TRAPPC8: variants seen among roughly 807,000 people sequenced by gnomAD.
TRAPPC8 encodes trafficking protein particle complex subunit 8, also known as general sporulation gene 1 homolog.
A neutral mutation model predicts 174.3 loss-of-function variants in TRAPPC8; 54 were observed. The ratio of observed to expected loss-of-function variants is 0.31; its 90% CI spans 0.25 to 0.39. The LOEUF (loss-of-function observed/expected upper bound fraction) is 0.39, where lower values mean the gene tolerates loss of function less well. TRAPPC8 is among the 10% of genes least tolerant of loss of function. TRAPPC8 has a pLI of 1.00. For missense variants in TRAPPC8, 1,531 were observed against 1,699.1 expected, an observed-to-expected ratio of 0.90 and a Z score of 1.74; for synonymous variants, 630 against 579.9, an observed-to-expected ratio of 1.09 and a Z score of -1.24.
intron 19 of TRAPPC8, 89 bp downstream of exon 19, chr18:31,864,538 T>G (rs916648044): frequency 1.5e-6 from 2 of 1,291,016 alleles, no homozygotes; most frequent in Non-Finnish European, 1.1e-6. Flanking sequence ...CAATGTAATA[T>G]CAAAAACCTC....
chr18:31,855,812 A>G lies in TRAPPC8; in HGVS notation c.3189-5T>C. ...GTGTGTCTTAATATTCTGTGCCTGAAGTTAAAAAAAAAAAAAAAAGCACAT... is the reference window on the plus strand; with the variant it reads ...GTGTGTCTTAATATTCTGTGCCTGAGGTTAAAAAAAAAAAAAAAAGCACAT... On this transcript the variant is annotated splice_region_variant and splice_polypyrimidine_tract_variant and intron_variant, in intron 20 of 28. Transcript: ENST00000283351. 2 of 1,546,784 alleles carry G rather than the reference A, an allele frequency of 1.3e-6. No homozygotes were observed. The highest frequency in any genetic ancestry group is 1.7e-6 in the Non-Finnish European group (2 of 1,160,496).
At chr18:31,849,505 C>T in intron 25 of TRAPPC8, 61 bp downstream of exon 25, 3 of 1,358,824 alleles carry the variant, frequency 2.2e-6, no homozygotes, top group Non-Finnish European at 9.7e-7. Context: ...TACGTTTGTG[C>T]TTAGCTTAAG....
At chr18:31,883,418 A>G (rs994331947) in intron 12 of TRAPPC8, 1 of 152,416 alleles carries the variant, frequency 6.6e-6, no homozygotes, top group African/African-American at 2.4e-5. Context: ...CAGCCACCAC[A>G]AAAAGAAGAT....
At chr18:31,920,012 T>TC (rs2037316545) in intron 2 of TRAPPC8, among the ~76,000 whole-genome samples, 1 of 152,086 alleles carries the variant, frequency 6.6e-6, no homozygotes, top group South Asian at 2.1e-4. Context: ...CCTACCCTTC[T>TC]CCCCAACTCA....
chr18:31,917,765 A>G, intron 2 of TRAPPC8, 98 bp from the exon 3 acceptor site: 1 of 1,057,536 alleles, frequency 9.5e-7, no homozygotes, highest in Non-Finnish European at 1.4e-6. Flanking sequence ...GTATAAAAAA[A>G]AAATTTCTAA....
In TRAPPC8 at chr18:31,857,670, G is replaced by A. The variant is rs764116160; in HGVS notation, c.3058C>T (p.Pro1020Ser). The A allele has an allele frequency of 4.3e-6, 7 of 1,614,168 alleles. No homozygotes were observed. The highest frequency in any genetic ancestry group is 5.1e-6 in the Non-Finnish European group (6 of 1,180,022). ...SQPEVIPVPLPDTVLLPGASV... is the reference protein window; with the variant it reads ...SQPEVIPVPLSDTVLLPGASV... ...GCTCCGGGTAGAAGAACAGTGTCAG[G>A]AAGGGGAACAGGAATCACCTCTGGT... Residue 1020 changes from proline (P) to serine (S), a missense_variant, in exon 20 of 29, where the codon CCT (proline) becomes TCT (serine). Coordinates refer to ENST00000283351, the MANE Select transcript of TRAPPC8 (RefSeq NM_014939.5).
rs746504364 is a variant in TRAPPC8 at position 31,897,762 on chromosome 18, G to GC, written c.1596+23dup. ...AAAAAAAAGAACAATGCTAATTAAA[G>GC]CAAATACTACACAGTTTCAGTACCT... is the stretch of plus-strand genomic sequence containing the variant. On this transcript the variant is annotated intron_variant, in intron 11 of 28. Coordinates refer to ENST00000283351, the MANE Select transcript of TRAPPC8 (RefSeq NM_014939.5). 4 of 1,469,128 alleles carry GC rather than the reference G, an allele frequency of 2.7e-6. No individual in the cohort carries two copies. In the Admixed American group the frequency reaches 8.8e-5, roughly 32 times the overall value. The allele number at this position is 1,469,128 out of a possible 1,614,324, so 91.0% of individuals were successfully genotyped here. A position where few individuals can be genotyped will look rare whatever the true frequency, so the allele number is the denominator to read the frequency against.
intron 1 of TRAPPC8, among the ~76,000 whole-genome samples, chr18:31,940,939 A>T (rs966047864): frequency 4.7e-5 from 5 of 106,992 alleles, no homozygotes; most frequent in Admixed American, 2.6e-4. Context: ...GCCTGTTTCA[A>T]ATCTTTCCCA....
At position 31,942,693 on chromosome 18, in the gene TRAPPC8, G is replaced by A. The variant is rs1368725333; in HGVS notation, c.72C>T (p.Cys24=). The A allele has an allele frequency of 2.5e-6, 4 of 1,607,830 alleles. No individual in the cohort carries two copies. The highest frequency in any genetic ancestry group is 3.4e-6 in the Non-Finnish European group (4 of 1,177,432). ...DSFVPCVAAL[C]SDEAERLTRL... ...GAGTGAGCCGCTCGGCTTCGTCGCTGCACAGCGCAGCGACACAGGGGACGA... is the reference window on the plus strand; with the variant it reads ...GAGTGAGCCGCTCGGCTTCGTCGCTACACAGCGCAGCGACACAGGGGACGA... The change falls in exon 1 of 29, where the codon TGC becomes TGT. Residue 24 remains cysteine, a synonymous_variant. Transcript: ENST00000283351.
chr18:31,856,092 G>C (rs1220612467), intron 20 of TRAPPC8, among the ~76,000 whole-genome samples: 1 of 151,686 alleles, frequency 6.6e-6, no homozygotes, highest in Non-Finnish European at 1.5e-5. Context: ...GTAATGTTCT[G>C]ATTGTGCTTC....
At chr18:31,925,429 T>C (rs536793503) in intron 2 of TRAPPC8, among the ~76,000 whole-genome samples, 6 of 151,650 alleles carry the variant, frequency 4.0e-5, no homozygotes, top group Middle Eastern at 3.4e-3. Flanking sequence ...AATAGAAGGA[T>C]CAGAAGATAA....
chr18:31,900,426 T>TA (rs1363767344), intron 10 of TRAPPC8, among the ~76,000 whole-genome samples: 1 of 152,206 alleles, frequency 6.6e-6, no homozygotes, highest in Non-Finnish European at 1.5e-5. Context: ...CAATTCCTGA[T>TA]ACGTCTTCAT....
intron 27 of TRAPPC8, 63 bp from the exon 28 acceptor site, chr18:31,832,236 A>C: frequency 1.1e-6 from 1 of 946,730 alleles, no homozygotes; most frequent in Non-Finnish European, 1.5e-6. Flanking sequence ...AATTTTCCTG[A>C]AAATAACACT....
chr18:31,904,998 C>G (rs747847437), intron 9 of TRAPPC8, among the ~76,000 whole-genome samples: 5 of 151,378 alleles, frequency 3.3e-5, no homozygotes, highest in African/African-American at 4.9e-5. Context: ...CCACTGCACT[C>G]CAGCCTGGGC....
intron 24 of TRAPPC8, among the ~76,000 whole-genome samples, chr18:31,851,914 GAT>G (rs1438103565): frequency 6.6e-6 from 1 of 151,976 alleles, no homozygotes; most frequent in Non-Finnish European, 1.5e-5. Flanking sequence ...TACTTCATAC[GAT>G]AGTCTCAAAA....
intron 27 of TRAPPC8, among the ~76,000 whole-genome samples, chr18:31,837,227 G>A (rs1258084378): frequency 2.0e-5 from 3 of 151,968 alleles, no homozygotes; most frequent in Non-Finnish European, 4.4e-5. Flanking sequence ...GATCCAACAA[G>A]AGTTAAGTGC....
At chr18:31,831,812 G>C (rs1227345837) in intron 28 of TRAPPC8, among the ~76,000 whole-genome samples, 1 of 151,966 alleles carries the variant, frequency 6.6e-6, no homozygotes, top group African/African-American at 2.4e-5. Flanking sequence ...AAAAATTTCT[G>C]AATTCCCAAA....
At chr18:31,856,778 T>C (rs1028410736) in intron 20 of TRAPPC8, among the ~76,000 whole-genome samples, 2 of 150,544 alleles carry the variant, frequency 1.3e-5, no homozygotes, top group Non-Finnish European at 3.0e-5. Flanking sequence ...CTCTTGCATA[T>C]CCCTCCCTTG....
At chr18:31,923,118 T>C (rs1482375487) in intron 2 of TRAPPC8, among the ~76,000 whole-genome samples, 5 of 152,092 alleles carry the variant, frequency 3.3e-5, no homozygotes, top group African/African-American at 4.8e-5. Flanking sequence ...GCCCAAAATA[T>C]ACCATTCAAA....
Sources: gnomAD v4.1 joint callset for allele counts (sites outside exome capture counted in the v4.1 genomes callset) on GRCh38, gnomAD v4.1.1 for gene constraint, MANE v1.5 for transcripts, NCBI Gene and HGNC (gene_info 2026-07-23, HGNC 2026-07-21) for gene names.